Variants in WDR72 observed in about 807,000 individuals in gnomAD.
The protein encoded by WDR72 is WD repeat domain 72.
Under a neutral mutation model 124.2 loss-of-function variants are expected in WDR72, and 120 were observed. The observed-to-expected ratio is 0.97, with a 90% CI of 0.83 to 1.12. The LOEUF (loss-of-function observed/expected upper bound fraction) is 1.12. Among genes scored for constraint, WDR72 ranks in the 50% most tolerant of loss-of-function variants. WDR72 has a pLI of 0.00. For synonymous variants in WDR72, 452 were observed against 441.7 expected (o/e 1.02, Z -0.29); for missense variants, 1,387 against 1,278.8 (o/e 1.08, Z -1.29).
At chr15:53,538,075 A>C (rs2140248586) in intron 18 of WDR72, among the ~76,000 whole-genome samples, 1 of 152,320 alleles carries the variant, frequency 6.6e-6, no homozygotes, top group Admixed American at 6.5e-5. Context: ...CTCATTGGAA[A>C]GTTATTCTAA....
chr15:53,713,490 G>A (rs181829565), intron 6 of WDR72, among the ~76,000 whole-genome samples: 62 of 92,180 alleles, frequency 6.7e-4, no homozygotes, highest in African/African-American at 1.5e-3. Context: ...TTGCTGTGTC[G>A]CCAAGGATGG....
chr15:53,753,463 C>A (rs1001579584), intron 1 of WDR72, among the ~76,000 whole-genome samples: 10 of 152,170 alleles, frequency 6.6e-5, no homozygotes, highest in Non-Finnish European at 1.2e-4. Flanking sequence ...ATCAGCAAGG[C>A]TATGAATGCA....
At chr15:53,710,000 C>G (rs1303567125) in intron 9 of WDR72, among the ~76,000 whole-genome samples, 2 of 152,112 alleles carry the variant, frequency 1.3e-5, no homozygotes, top group East Asian at 3.9e-4. Flanking sequence ...TCCAAAGGCT[C>G]AGGGAAAAGA....
intron 14 of WDR72, among the ~76,000 whole-genome samples, chr15:53,620,744 A>G (rs1209128116): frequency 3.3e-5 from 5 of 152,140 alleles, no homozygotes; most frequent in South Asian, 2.1e-4. Context: ...CTAGGCAAGG[A>G]TTTCATGACC....
intron 2 of WDR72, among the ~76,000 whole-genome samples, chr15:53,724,366 C>T (rs944742804): frequency 5.3e-5 from 8 of 152,126 alleles, no homozygotes; most frequent in African/African-American, 1.9e-4. Flanking sequence ...TTGTATTAGT[C>T]CATTCTCACA....
intron 14 of WDR72, among the ~76,000 whole-genome samples, chr15:53,664,882 G>GA (rs2015725405): frequency 6.6e-6 from 1 of 152,018 alleles, no homozygotes; most frequent in African/African-American, 2.4e-5. Flanking sequence ...ATGTTTATAT[G>GA]AAAAAATACA....
At chr15:53,586,460 C>G (rs747504561) in intron 18 of WDR72, among the ~76,000 whole-genome samples, 2 of 152,048 alleles carry the variant, frequency 1.3e-5, no homozygotes, top group Non-Finnish European at 2.9e-5. Flanking sequence ...CTCTTTCCAA[C>G]CATTATTCTC....
At chr15:53,664,752 T>C (rs979371669) in intron 14 of WDR72, among the ~76,000 whole-genome samples, 18 of 151,908 alleles carry the variant, frequency 1.2e-4, no homozygotes, top group Non-Finnish European at 1.9e-4. Context: ...AAGTGAAACA[T>C]AAAAACCAAG....
intron 18 of WDR72, among the ~76,000 whole-genome samples, chr15:53,569,403 G>T (rs926347859): frequency 6.6e-6 from 1 of 151,996 alleles, no homozygotes; most frequent in African/African-American, 2.4e-5. Flanking sequence ...AAGACTGTGG[G>T]AGAAAAATGC....
intron 18 of WDR72, among the ~76,000 whole-genome samples, chr15:53,580,954 T>TTG: frequency 2.3e-5 from 1 of 44,070 alleles, no homozygotes; most frequent in East Asian, 3.9e-4. Flanking sequence ...TAAAAGATAG[T>TTG]TATAATTATT....
intron 13 of WDR72, among the ~76,000 whole-genome samples, chr15:53,668,716 C>T (rs1172716919): frequency 6.6e-6 from 1 of 151,712 alleles, no homozygotes; most frequent in African/African-American, 2.4e-5. Flanking sequence ...CCAGCCTGGG[C>T]AACATTGGAG....
chr15:53,635,797 A>T (rs2014601165), intron 14 of WDR72, among the ~76,000 whole-genome samples: 1 of 152,162 alleles, frequency 6.6e-6, no homozygotes, highest in Admixed American at 6.5e-5. Context: ...ATCATGCAAT[A>T]TACCCAGGTA....
At chr15:53,559,852 G>A (rs952840197) in intron 18 of WDR72, among the ~76,000 whole-genome samples, 5 of 151,978 alleles carry the variant, frequency 3.3e-5, no homozygotes, top group Non-Finnish European at 5.9e-5. Flanking sequence ...TTAGAGGTTA[G>A]CTGACAGTCT....
chr15:53,644,410 T>C (rs2014967505), intron 14 of WDR72, among the ~76,000 whole-genome samples: 1 of 152,116 alleles, frequency 6.6e-6, no homozygotes, highest in African/African-American at 2.4e-5. Context: ...AGTAACTATT[T>C]TTTAAAGGAT....
chr15:53,636,289 G>C (rs2014620245), intron 14 of WDR72, among the ~76,000 whole-genome samples: 1 of 152,000 alleles, frequency 6.6e-6, no homozygotes, highest in East Asian at 1.9e-4. Context: ...TAAGATTTGA[G>C]GTTTCCTTTG....
At chr15:53,536,061 C>T (rs1892744928) in intron 18 of WDR72, among the ~76,000 whole-genome samples, 1 of 152,156 alleles carries the variant, frequency 6.6e-6, no homozygotes, top group Non-Finnish European at 1.5e-5. Context: ...GGAGTAGGTG[C>T]AATCAGAAAA....
At chr15:53,523,686 T>C (rs1891944055) in intron 18 of WDR72, among the ~76,000 whole-genome samples, 1 of 151,968 alleles carries the variant, frequency 6.6e-6, no homozygotes, top group Non-Finnish European at 1.5e-5. Flanking sequence ...ATCAGGCTAG[T>C]CAATTAGAAA....
chr15:53,667,931 C>A (rs1326967784), intron 13 of WDR72, among the ~76,000 whole-genome samples: 1 of 151,972 alleles, frequency 6.6e-6, no homozygotes, highest in East Asian at 1.9e-4. Context: ...AGTTGTAATC[C>A]ATTTTCATTC....
intron 19 of WDR72, among the ~76,000 whole-genome samples, chr15:53,521,344 T>A (rs962155713): frequency 2.0e-5 from 3 of 152,052 alleles, no homozygotes; most frequent in Admixed American, 2.0e-4. Flanking sequence ...AGAAATACGA[T>A]GTCTCCATGA....
Sources: gnomAD v4.1 joint callset for allele counts (sites outside exome capture counted in the v4.1 genomes callset) on GRCh38, gnomAD v4.1.1 for gene constraint, MANE v1.5 for transcripts, NCBI Gene and HGNC (gene_info 2026-07-23, HGNC 2026-07-21) for gene names.